Variants in CASKIN1 observed in about 807,000 individuals in gnomAD.
CASKIN1 encodes the protein caskin-1.
CASKIN1 carries 42 observed loss-of-function variants against 117.5 expected under a neutral mutation model. The observed-to-expected ratio is 0.36, with a 90% confidence interval of 0.28 to 0.46. CASKIN1 has a LOEUF of 0.46. Among genes scored for constraint, CASKIN1 ranks in the 20% least tolerant of loss-of-function variants. CASKIN1 has a pLI of 1.00. For missense variants in CASKIN1, 2,083 were observed against 2,077.3 expected, an observed-to-expected ratio of 1.00 and a Z score of -0.05; for synonymous variants, 1,148 against 961.7, an observed-to-expected ratio of 1.19 and a Z score of -3.59.
chr16:2,193,001 G>A (rs1385285384), intron 1 of CASKIN1, among the ~76,000 whole-genome samples: 2 of 152,172 alleles, frequency 1.3e-5, no homozygotes, highest in Non-Finnish European at 2.9e-5. Flanking sequence ...CTCTCCTGTC[G>A]CCATCTCGAA....
intron 8 of CASKIN1, 25 bp downstream of exon 8, chr16:2,187,141 G>GC (rs1212921487): frequency 6.2e-7 from 1 of 1,613,004 alleles, no homozygotes; most frequent in African/African-American, 1.3e-5. Context: ...CCCAGCCACT[G>GC]CCCCTCTGCC....
Position 2,179,621 on chromosome 16 carries a change from C to A in CASKIN1, c.3747G>T (p.Lys1249Asn). The change falls in exon 18 of 20, where the codon AAG becomes AAT. Residue 1249 changes from lysine to asparagine, a missense_variant. Lys to Asn is a moderately conservative substitution (Grantham distance 94). Around this residue, in one of 3 missense-constraint regions of CASKIN1, gnomAD observed 1,818 missense variants for 1,688.9 expected, o/e 1.08. Coordinates refer to ENST00000343516, the MANE Select transcript of CASKIN1 (RefSeq NM_020764.4). This position sits in a 1 kb window ranked among gnomAD's most constrained non-coding sequence, Gnocchi z 5.8. ...LQGSPTPTSK[K>N]VPLPGPGSPE... ...GGCTGCCAGGGCCTGGCAGCGGCAC[C>A]TTCTTGGAGGTGGGTGTGGGCGAGC... The A allele has an allele frequency of 6.8e-7, 1 of 1,464,510 alleles. No individual in the cohort carries two copies. Among genetic ancestry groups the A allele is most frequent in the East Asian group, 2.5e-5 (1 of 39,816 alleles). 90.7% of individuals were successfully genotyped at this position (1,464,510 alleles called of 1,614,324 possible).
At position 2,179,756 on chromosome 16, in the gene CASKIN1, G is replaced by C. The variant is rs1057246116; in HGVS notation, c.3612C>G (p.Asp1204Glu). The change falls in exon 18 of 20, where the codon GAC becomes GAG. Residue 1204 changes from aspartate (D) to glutamate (E), a missense_variant. Around this residue, in one of 3 missense-constraint regions of CASKIN1, gnomAD observed 1,818 missense variants for 1,688.9 expected, o/e 1.08. Coordinates refer to ENST00000343516, the MANE Select transcript of CASKIN1 (RefSeq NM_020764.4). The surrounding 1 kb of genome is among the most constrained non-coding windows in gnomAD (Gnocchi z 5.8). ...GGGGCAATGGGGGTAGGTGCGCCAG[G>C]TCGGTGGGCGGGGGTTCGGCAGGCG... ...PPPPAEPPPT[D>E]LAHLPPLPPP... The C allele has an allele frequency of 7.0e-6, 11 of 1,561,910 alleles. No individual in the cohort carries two copies. The highest frequency in any genetic ancestry group is 6.0e-6 in the Non-Finnish European group (7 of 1,159,414).
Position 2,182,230 on chromosome 16 carries a change from G to A in CASKIN1, c.1630-301C>T, listed in dbSNP as rs1236407446. Among the ~76,000 whole-genome samples the A allele has an allele frequency of 2.0e-5, 3 of 152,116 alleles. No homozygotes were observed. Among genetic ancestry groups the A allele is most frequent in the East Asian group, 3.9e-4 (2 of 5,192 alleles). On this transcript the variant is annotated intron_variant, in intron 16 of 19. Transcript: ENST00000343516. The surrounding 1 kb of genome is among the most constrained non-coding windows in gnomAD (Gnocchi z 4.1). Reference sequence around the variant, plus strand: ...ACCCGGCCAGGCAGCCACGAGTACAGCACCATGGGGAGACACACCCGAGTC... The same window carrying A: ...ACCCGGCCAGGCAGCCACGAGTACAACACCATGGGGAGACACACCCGAGTC...
chr16:2,185,129 C>T lies in CASKIN1; in HGVS notation c.1221G>A (p.Ala407=), dbSNP rs369556238. Residue 407 remains alanine (A), a synonymous_variant, in exon 12 of 20, where the codon GCG becomes GCA. Coordinates refer to ENST00000343516, the MANE Select transcript of CASKIN1 (RefSeq NM_020764.4). ...GRGSGGHALH[A]GSEGVKLLAT... ...CACCTACCTTGACGCCTTCAGAGCC[C>T]GCGTGTAGGGCGTGACCCCCGCTGC... 2.5e-4 allele frequency: 399 copies of T among 1,608,944 alleles called. 1 individual carries two copies. The highest frequency in any genetic ancestry group is 3.1e-4 in the Non-Finnish European group (363 of 1,179,754).
intron 16 of CASKIN1, 63 bp from the exon 17 acceptor site, chr16:2,181,992 G>A: frequency 1.9e-6 from 3 of 1,599,488 alleles, no homozygotes; most frequent in Non-Finnish European, 2.6e-6. Flanking sequence ...CCATCTACCT[G>A]GAGCTGGAGG....
Position 2,179,938 on chromosome 16 carries a change from C to T in CASKIN1, c.3430G>A (p.Glu1144Lys). 6.2e-7 allele frequency: 1 copy of T among 1,605,970 alleles called. No homozygotes were observed. Among genetic ancestry groups the T allele is most frequent in the Non-Finnish European group, 8.5e-7 (1 of 1,176,868 alleles). Residue 1144 changes from glutamate (E) to lysine (K), a missense_variant, in exon 18 of 20, where the codon GAG becomes AAG. This residue lies in a region of CASKIN1 where 1,818 missense variants were observed against 1,688.9 expected (regional missense o/e 1.08). Transcript: ENST00000343516. The surrounding 1 kb of genome is among the most constrained non-coding windows in gnomAD (Gnocchi z 5.8). ...GGCCTGCGCTTGACCGTGTCAGACT[C>T]GGTCAGGATGAACTTGACGTTCTCC... The part of the protein sequence containing the change: ...QQENVKFILT[E>K]SDTVKRRPKA...
Position 2,181,378 on chromosome 16 carries a change from C to T in CASKIN1, c.1990G>A (p.Ala664Thr). 2 of 1,609,180 alleles carry T rather than the reference C, an allele frequency of 1.2e-6. No individual in the cohort carries two copies. Among genetic ancestry groups the T allele is most frequent in the Non-Finnish European group, 1.7e-6 (2 of 1,178,980 alleles). Residue 664 changes from alanine to threonine, a missense_variant, in exon 18 of 20, where the codon GCC becomes ACC. By Grantham distance (58) the Ala-to-Thr change is moderately conservative. Around this residue, in one of 3 missense-constraint regions of CASKIN1, gnomAD observed 1,818 missense variants for 1,688.9 expected, o/e 1.08. Transcript: ENST00000343516. The stretch of plus-strand genomic sequence containing the variant: ...CCCACCTCAGCCGGGCCAGTCATGG[C>T]AGCCTGCAGCTCGTCACTGAGCTCG... Reference protein sequence around the residue: ...DSELSDELQAAMTGPAEVGPT... With the variant: ...DSELSDELQATMTGPAEVGPT...
In CASKIN1 at chr16:2,196,297, C is replaced by A. The variant is rs1193523173; in HGVS notation, c.94+42G>T. 2.1e-6 allele frequency: 2 copies of A among 972,256 alleles called. No individual in the cohort carries two copies. The highest frequency in any genetic ancestry group is 5.0e-5 in the Admixed American group (1 of 20,024). 60.2% of individuals were successfully genotyped at this position (972,256 alleles called of 1,614,324 possible). On this transcript the variant is annotated intron_variant, in intron 1 of 19. Coordinates refer to ENST00000343516, the MANE Select transcript of CASKIN1 (RefSeq NM_020764.4). The surrounding 1 kb of genome is among the most constrained non-coding windows in gnomAD (Gnocchi z 5.7). Reference sequence around the variant, plus strand: ...TGGGGGGCTCCGCGCCGGGGAGGGGCCCCCGGGGCTCCCACCCGCGCCCCG... The same window carrying A: ...TGGGGGGCTCCGCGCCGGGGAGGGGACCCCGGGGCTCCCACCCGCGCCCCG...
Position 2,178,108 on chromosome 16 carries a change from A to C in CASKIN1, c.*442T>G, listed in dbSNP as rs986827024. 3.9e-6 allele frequency: 2 copies of C among 506,948 alleles called. No homozygotes were observed. Among genetic ancestry groups the C allele is most frequent in the South Asian group, 3.2e-5 (2 of 63,254 alleles). 31.4% of individuals were successfully genotyped at this position (506,948 alleles called of 1,614,324 possible). A position where few individuals can be genotyped will look rare whatever the true frequency, so the allele number is the denominator to read the frequency against. Reference sequence around the variant, plus strand: ...AATCCGCCTCAGCTCATTCCCAATAAATTAATACTCTTGATAGCTTATATT... The same window carrying C: ...AATCCGCCTCAGCTCATTCCCAATACATTAATACTCTTGATAGCTTATATT... On this transcript the variant is annotated 3_prime_UTR_variant, in exon 20 of 20. Transcript: ENST00000343516.
Position 2,196,290 on chromosome 16 carries a change from G to A in CASKIN1, c.94+49C>T, listed in dbSNP as rs915661008. The A allele has an allele frequency of 3.3e-6, 3 of 913,848 alleles. No individual in the cohort carries two copies. Among genetic ancestry groups the A allele is most frequent in the African/African-American group, 1.8e-5 (1 of 55,904 alleles). 56.6% of individuals were successfully genotyped at this position (913,848 alleles called of 1,614,324 possible). ...CGCCGGGTGGGGGGCTCCGCGCCGG[G>A]GAGGGGCCCCCGGGGCTCCCACCCG... On this transcript the variant is annotated intron_variant, in intron 1 of 19. Transcript: ENST00000343516. This position sits in a 1 kb window ranked among gnomAD's most constrained non-coding sequence, Gnocchi z 5.7.
At chr16:2,183,418 C>A (rs542340498) in intron 16 of CASKIN1, among the ~76,000 whole-genome samples, 1 of 152,272 alleles carries the variant, frequency 6.6e-6, no homozygotes, top group Admixed American at 6.5e-5. Context: ...ACTCTCCTGG[C>A]TTCAGGCTCC....
Position 2,193,452 on chromosome 16 carries a change from G to A in CASKIN1, c.94+2887C>T, listed in dbSNP as rs377111020. ...AGGTGTCACTGTCCCGTGCATCCCC[G>A]CCAGGACCACACTCAGGAGGTTCTC... On this transcript the variant is annotated intron_variant, in intron 1 of 19. Coordinates refer to ENST00000343516, the MANE Select transcript of CASKIN1 (RefSeq NM_020764.4). Among the ~76,000 whole-genome samples, 6 of 152,160 alleles carry A rather than the reference G, an allele frequency of 3.9e-5. No individual in the cohort carries two copies. The East Asian group carries it at 9.6e-4, about 24-fold the overall frequency.
intron 6 of CASKIN1, chr16:2,188,770 C>T: frequency 4.1e-6 from 2 of 482,016 alleles, no homozygotes; most frequent in Non-Finnish European, 3.7e-6. Flanking sequence ...AAGTGAGGCT[C>T]AGGGAAGTTC....
intron 9 of CASKIN1, 34 bp from the exon 10 acceptor site, chr16:2,186,858 GC>G (rs2141321594): frequency 6.2e-7 from 1 of 1,606,994 alleles, no homozygotes; most frequent in South Asian, 1.1e-5. Flanking sequence ...TCAGGGAGAT[GC>G]CCCCTTTCGC....
At chr16:2,184,226 A>T (rs1412307644) in intron 14 of CASKIN1, among the ~76,000 whole-genome samples, 1 of 151,966 alleles carries the variant, frequency 6.6e-6, no homozygotes, top group Admixed American at 6.5e-5. Context: ...CGCCTCCCTG[A>T]CTGTCCCCTG....
At position 2,178,174 on chromosome 16, in the gene CASKIN1, CCT is replaced by C. The variant is rs2141305352; in HGVS notation, c.*374_*375del. 1 of 479,750 alleles carries C rather than the reference CCT, an allele frequency of 2.1e-6. No individual in the cohort carries two copies. The highest frequency in any genetic ancestry group is 4.0e-6 in the Non-Finnish European group (1 of 252,440). The allele number at this position is 479,750 out of a possible 1,614,324, so 29.7% of individuals were successfully genotyped here. ...GGCAGGGGGGCCCTGACCTTGGTCC[CCT>C]GTCCCTTGTGCTGCGCCCGAGCGGC... On this transcript the variant is annotated 3_prime_UTR_variant, in exon 20 of 20. Coordinates refer to ENST00000343516, the MANE Select transcript of CASKIN1 (RefSeq NM_020764.4).
In CASKIN1 at chr16:2,189,576, G is replaced by C. The variant is rs1443125184; in HGVS notation, c.245-12C>G. 6.3e-7 allele frequency: 1 copy of C among 1,589,280 alleles called. No homozygotes were observed. Among genetic ancestry groups the C allele is most frequent in the African/African-American group, 1.3e-5 (1 of 74,476 alleles). ...CAGCGGCCGCATGCCTGGGGGGCGAGGGGATGCTGGGAGCTGACCCTTGAC... is the reference window on the plus strand; with the variant it reads ...CAGCGGCCGCATGCCTGGGGGGCGACGGGATGCTGGGAGCTGACCCTTGAC... On this transcript the variant is annotated splice_polypyrimidine_tract_variant and intron_variant, in intron 3 of 19. Transcript: ENST00000343516.
Position 2,179,888 on chromosome 16 carries a change from C to T in CASKIN1, c.3480G>A (p.Gly1160=), listed in dbSNP as rs1567257717. 2 of 1,604,728 alleles carry T rather than the reference C, an allele frequency of 1.2e-6. No individual in the cohort carries two copies. The highest frequency in any genetic ancestry group is 1.3e-5 in the African/African-American group (1 of 74,864). ...CGGACAGTGGCGGTGGTGGCTCAGG[C>T]CCGGCCTCCCGCTCCTTGGCCTTGG... ...RRPKAKEREA[G]PEPPPPLSVY... Residue 1160 remains glycine, a synonymous_variant, in exon 18 of 20, where the codon GGG becomes GGA. Coordinates refer to ENST00000343516, the MANE Select transcript of CASKIN1 (RefSeq NM_020764.4). This position sits in a 1 kb window ranked among gnomAD's most constrained non-coding sequence, Gnocchi z 5.8.
Sources: gnomAD v4.1 joint callset for allele counts (sites outside exome capture counted in the v4.1 genomes callset) on GRCh38, gnomAD v4.1.1 for gene constraint, gnomAD v4.1.1 regional missense constraint, Gnocchi (gnomAD v3.1) non-coding constraint, MANE v1.5 for transcripts, NCBI Gene and HGNC (gene_info 2026-07-23, HGNC 2026-07-21) for gene names.